Variants in SNX30 observed in about 807,000 individuals in gnomAD.
SNX30 encodes sorting nexin-30.
In SNX30, 24 loss-of-function variants were observed where a neutral mutation model predicts 46.4. The ratio of observed to expected loss-of-function variants is 0.52; its 90% CI spans 0.37 to 0.73. The LOEUF is 0.73. SNX30 is among the 30% of genes least tolerant of loss of function. The pLI is 0.00. For synonymous variants in SNX30, 189 were observed against 211.5 expected, an observed-to-expected ratio of 0.89 and a Z score of 0.92; for missense variants, 533 against 555.7, an observed-to-expected ratio of 0.96 and a Z score of 0.41.
intron 1 of SNX30, among the ~76,000 whole-genome samples, chr9:112,778,270 C>CTTTTT (rs1001151120): frequency 4.9e-5 from 6 of 123,348 alleles, no homozygotes; most frequent in South Asian, 5.2e-4. Flanking sequence ...GGCCATATTC[C>CTTTTT]TTTTTTTTTT....
chr9:112,798,250 G>A (rs374171321), intron 1 of SNX30, among the ~76,000 whole-genome samples: 5,307 of 78,668 alleles, frequency 0.067, 219 homozygotes, highest in Non-Finnish European at 0.089. Flanking sequence ...CTAGCATTAG[G>A]TATATCTCCC....
chr9:112,841,479 G>A (rs1425118753), intron 6 of SNX30, among the ~76,000 whole-genome samples: 1 of 152,208 alleles, frequency 6.6e-6, no homozygotes, highest in Non-Finnish European at 1.5e-5. Context: ...GAATGGGATT[G>A]ATTGTACACA....
chr9:112,808,634 G>A (rs1456690490), intron 2 of SNX30, among the ~76,000 whole-genome samples: 3 of 152,162 alleles, frequency 2.0e-5, no homozygotes, highest in Non-Finnish European at 4.4e-5. Context: ...GAAAGTTCAA[G>A]TAAGCTAAAA....
At chr9:112,844,044 A>C (rs2131469105) in intron 6 of SNX30, among the ~76,000 whole-genome samples, 1 of 152,224 alleles carries the variant, frequency 6.6e-6, no homozygotes, top group East Asian at 1.9e-4. Flanking sequence ...AGAGGATGAG[A>C]GTGGTGATTG....
chr9:112,871,039 G>T lies in SNX30; in HGVS notation c.*2196G>T, dbSNP rs753570687. The stretch of plus-strand genomic sequence containing the variant: ...CTCACTGGGAGATGTGGGAAGGGGC[G>T]TGGGACGCACGCGGTCACTCCCTCT... On this transcript the variant is annotated 3_prime_UTR_variant, in exon 9 of 9. Transcript: ENST00000374232. 6.6e-6 allele frequency: 1 copy of T among 152,262 alleles called. No individual in the cohort carries two copies. Among genetic ancestry groups the T allele is most frequent in the Non-Finnish European group, 1.5e-5 (1 of 68,062 alleles). 9.4% of individuals were successfully genotyped at this position (152,262 alleles called of 1,614,324 possible). A position where few individuals can be genotyped will look rare whatever the true frequency, so the allele number is the denominator to read the frequency against.
downstream of SNX30, among the ~76,000 whole-genome samples, chr9:112,881,891 A>T (rs1320614631): frequency 1.3e-5 from 2 of 152,112 alleles, no homozygotes; most frequent in Non-Finnish European, 2.9e-5. Flanking sequence ...GGTTAGGAAA[A>T]TTCTCTTTGA....
intron 7 of SNX30, among the ~76,000 whole-genome samples, chr9:112,858,880 C>T (rs1216532630): frequency 2.0e-5 from 3 of 152,034 alleles, no homozygotes; most frequent in African/African-American, 7.2e-5. Context: ...AACCTTGGGC[C>T]CTGCCTCCCT....
chr9:112,879,554 TGAGAACGTTTTTCCATC>T, downstream of SNX30: 1 of 538,084 alleles, frequency 1.9e-6, no homozygotes, highest in Non-Finnish European at 3.4e-6. Flanking sequence ...GTCTTAAAGC[TGAGAACGTTTTTCCATC>T]ACCAGGAAAG....
At chr9:112,833,381 T>TA (rs1287798475) in intron 4 of SNX30, among the ~76,000 whole-genome samples, 1 of 152,226 alleles carries the variant, frequency 6.6e-6, no homozygotes, top group Non-Finnish European at 1.5e-5. Context: ...CAAAAGGCTG[T>TA]ATGTAATGGC....
At chr9:112,783,720 G>C (rs1202657132) in intron 1 of SNX30, among the ~76,000 whole-genome samples, 1 of 152,232 alleles carries the variant, frequency 6.6e-6, no homozygotes, top group African/African-American at 2.4e-5. Context: ...TCTGTGGGCT[G>C]TTTGTGCAGC....
intron 6 of SNX30, among the ~76,000 whole-genome samples, chr9:112,840,055 C>T (rs1455286977): frequency 3.3e-5 from 5 of 152,340 alleles, no homozygotes; most frequent in Admixed American, 6.5e-5. Context: ...AGGGTTGATA[C>T]GTACTAAACT....
intron 1 of SNX30, among the ~76,000 whole-genome samples, chr9:112,790,141 TAAGC>T (rs1839996775): frequency 6.6e-6 from 1 of 152,144 alleles, no homozygotes; most frequent in Non-Finnish European, 1.5e-5. Flanking sequence ...TTCCTACTAA[TAAGC>T]AAGTAGCAGT....
At chr9:112,820,637 C>G (rs911688499) in intron 3 of SNX30, among the ~76,000 whole-genome samples, 1 of 152,158 alleles carries the variant, frequency 6.6e-6, no homozygotes, top group Non-Finnish European at 1.5e-5. Flanking sequence ...TATCCATTTT[C>G]AAATCTTTTT....
At chr9:112,804,146 A>G (rs1360738384) in intron 1 of SNX30, among the ~76,000 whole-genome samples, 1 of 149,426 alleles carries the variant, frequency 6.7e-6, no homozygotes, top group Non-Finnish European at 1.5e-5. Context: ...CTATTCGGCC[A>G]TCTTGGCTCC....
intron 7 of SNX30, among the ~76,000 whole-genome samples, chr9:112,855,380 C>T (rs1841106010): frequency 6.6e-6 from 1 of 152,120 alleles, no homozygotes; most frequent in South Asian, 2.1e-4. Context: ...GCATGGTCAG[C>T]AGAAGATCCG....
intron 2 of SNX30, among the ~76,000 whole-genome samples, chr9:112,812,867 C>T (rs1357949423): frequency 1.3e-5 from 2 of 152,124 alleles, no homozygotes; most frequent in African/African-American, 4.8e-5. Context: ...AAACAACAGG[C>T]CGGGCATGGT....
At chr9:112,829,658 G>T (rs1007351611) in intron 3 of SNX30, among the ~76,000 whole-genome samples, 3 of 152,162 alleles carry the variant, frequency 2.0e-5, no homozygotes, top group Non-Finnish European at 4.4e-5. Context: ...TTAACTTATT[G>T]AGGAACCACC....
chr9:112,791,854 A>G (rs1343942819), intron 1 of SNX30, among the ~76,000 whole-genome samples: 3 of 152,210 alleles, frequency 2.0e-5, no homozygotes, highest in Admixed American at 6.5e-5. Context: ...AATATAGTGT[A>G]ATGAAGTAAT....
intron 8 of SNX30, among the ~76,000 whole-genome samples, chr9:112,865,276 T>C (rs1035479345): frequency 2.6e-5 from 4 of 151,612 alleles, no homozygotes; most frequent in Non-Finnish European, 4.4e-5. Context: ...ATGACTCTTA[T>C]CAGGCTACAG....
Sources: gnomAD v4.1 joint callset for allele counts (sites outside exome capture counted in the v4.1 genomes callset) on GRCh38, gnomAD v4.1.1 for gene constraint, MANE v1.5 for transcripts, NCBI Gene and HGNC (gene_info 2026-07-23, HGNC 2026-07-21) for gene names.